CLSTN1: variants seen among roughly 807,000 people sequenced by gnomAD.
CLSTN1 encodes calsyntenin-1.
In CLSTN1, 28 loss-of-function variants were observed where a neutral mutation model predicts 108.3. The ratio of observed to expected loss-of-function variants is 0.26; its 90% confidence interval spans 0.19 to 0.35. The LOEUF (loss-of-function observed/expected upper bound fraction) is 0.35, where lower values mean the gene tolerates loss of function less well. Among genes scored for constraint, CLSTN1 ranks in the 10% least tolerant of loss-of-function variants. The pLI is 1.00. For missense variants in CLSTN1, 1,157 were observed against 1,302.6 expected (o/e 0.89, Z 1.72); for synonymous variants, 524 against 534.9 (o/e 0.98, Z 0.28).
chr1:9,760,557 G>A (rs981171515), intron 2 of CLSTN1, among the ~76,000 whole-genome samples: 1 of 152,116 alleles, frequency 6.6e-6, no homozygotes. Flanking sequence ...ACTAGGCACT[G>A]TCCCAAGGAG....
chr1:9,769,167 A>AGGAGGGAG (rs147913239), intron 2 of CLSTN1, among the ~76,000 whole-genome samples: 1 of 140,800 alleles, frequency 7.1e-6, no homozygotes, highest in South Asian at 2.4e-4. Context: ...GAGGGAAGGA[A>AGGAGGGAG]GGAGGGAGGG....
chr1:9,734,050 T>C lies in CLSTN1; in HGVS notation c.2203A>G (p.Ser735Gly). 1 of 1,614,088 alleles carries C rather than the reference T, an allele frequency of 6.2e-7. No homozygotes were observed. Among genetic ancestry groups the C allele is most frequent in the Non-Finnish European group, 8.5e-7 (1 of 1,180,022 alleles). The change falls in exon 15 of 19, where the codon AGC becomes GGC. Residue 735 changes from serine (S) to glycine (G), a missense_variant. Coordinates refer to ENST00000377298, the MANE Select transcript of CLSTN1 (RefSeq NM_001009566.3). The surrounding 1 kb of genome is among the most constrained non-coding windows in gnomAD (Gnocchi z 4.8). ...AGGCGGGCCATGTCCACCTCCAGGC[T>C]CTCCTGCTCGTGGTTCAGCTCCTCT... ...EGEELNHEQESLEVDMARLQQ... is the reference protein window; with the variant it reads ...EGEELNHEQEGLEVDMARLQQ...
chr1:9,822,784 A>T (rs1050598023), intron 1 of CLSTN1, among the ~76,000 whole-genome samples: 3 of 152,152 alleles, frequency 2.0e-5, no homozygotes, highest in African/African-American at 7.2e-5. Context: ...AAGAAATACT[A>T]CTTCCCACCG....
At chr1:9,740,438 T>G (rs1285168495) in intron 10 of CLSTN1, among the ~76,000 whole-genome samples, 2 of 152,214 alleles carry the variant, frequency 1.3e-5, no homozygotes, top group Admixed American at 1.3e-4. Flanking sequence ...TTGCTGCTTC[T>G]GTGGGCCTGA....
chr1:9,785,207 C>T (rs539382949), intron 1 of CLSTN1, among the ~76,000 whole-genome samples: 15 of 152,224 alleles, frequency 9.9e-5, no homozygotes, highest in African/African-American at 3.6e-4. Context: ...AGGGTTTCAC[C>T]ATGTTGGCCA....
chr1:9,758,100 T>C (rs1434124859), intron 2 of CLSTN1, among the ~76,000 whole-genome samples: 1 of 152,060 alleles, frequency 6.6e-6, no homozygotes, highest in Non-Finnish European at 1.5e-5. Context: ...TTCAAGCGAT[T>C]CTCCTGCCTC....
At chr1:9,813,102 T>C (rs1359157023) in intron 1 of CLSTN1, among the ~76,000 whole-genome samples, 1 of 151,882 alleles carries the variant, frequency 6.6e-6, no homozygotes, top group African/African-American at 2.4e-5. Context: ...GAAGTGGAGG[T>C]TGCAGTGAGC....
intron 1 of CLSTN1, among the ~76,000 whole-genome samples, chr1:9,793,882 T>C (rs2101236908): frequency 6.6e-6 from 1 of 151,564 alleles, no homozygotes; most frequent in Middle Eastern, 3.4e-3. Context: ...TGCCTTTCTG[T>C]CCATGCTGCT....
intron 2 of CLSTN1, among the ~76,000 whole-genome samples, chr1:9,767,103 G>A (rs1652374703): frequency 6.6e-6 from 1 of 152,220 alleles, no homozygotes; most frequent in Non-Finnish European, 1.5e-5. Flanking sequence ...TATCTATGGA[G>A]TGACTGTGTT....
At chr1:9,771,984 T>C (rs1652708163) in intron 2 of CLSTN1, among the ~76,000 whole-genome samples, 2 of 151,760 alleles carry the variant, frequency 1.3e-5, no homozygotes, top group South Asian at 4.2e-4. Flanking sequence ...AACACTTTTT[T>C]TTTTTTTTCT....
intron 17 of CLSTN1, 71 bp from the exon 18 acceptor site, chr1:9,731,461 G>T: frequency 6.7e-7 from 1 of 1,489,800 alleles, no homozygotes; most frequent in African/African-American, 1.4e-5. Context: ...TGACCTCCTC[G>T]GCTGTGCCTG....
chr1:9,803,541 G>A (rs368427725), intron 1 of CLSTN1, among the ~76,000 whole-genome samples: 10 of 152,294 alleles, frequency 6.6e-5, no homozygotes, highest in African/African-American at 1.7e-4. Flanking sequence ...AGTGGCTCAC[G>A]CCTGCAATCC....
chr1:9,812,738 C>T (rs552176248), intron 1 of CLSTN1, among the ~76,000 whole-genome samples: 73 of 151,734 alleles, frequency 4.8e-4, no homozygotes, highest in Non-Finnish European at 8.2e-4. Flanking sequence ...ATTCCAGCTA[C>T]TCAGGAGGCT....
intron 2 of CLSTN1, among the ~76,000 whole-genome samples, chr1:9,757,232 T>C (rs556020978): frequency 6.6e-6 from 1 of 151,826 alleles, no homozygotes; most frequent in Admixed American, 6.6e-5. Context: ...AAACAAAAAT[T>C]TGGAGCAAAA....
rs765639580 is a variant in CLSTN1, at chr1:9,735,139, G to A, written c.1919C>T (p.Pro640Leu). Reference protein sequence around the residue: ...FNEATCISVPPVDGYVMVLQP... With the variant: ...FNEATCISVPLVDGYVMVLQP... ...TAAAACCATCACGTAGCCATCTACC[G>A]GGGGGACCGAAATGCAGGTGGCCTC... The change falls in exon 14 of 19, where the codon CCG becomes CTG. Residue 640 changes from proline to leucine, a missense_variant. Transcript: ENST00000377298. 1.1e-5 allele frequency: 17 copies of A among 1,613,982 alleles called. No homozygotes were observed. In the South Asian group the frequency reaches 1.1e-4, roughly 10 times the overall value.
At chr1:9,774,175 A>G (rs919602808) in intron 1 of CLSTN1, among the ~76,000 whole-genome samples, 6 of 152,226 alleles carry the variant, frequency 3.9e-5, no homozygotes, top group African/African-American at 1.4e-4. Context: ...ATTACAAATA[A>G]TAATGTAAAG....
rs775193138 is a variant in CLSTN1 at position 9,731,257 on chromosome 1, G to C, written c.2697C>G (p.Asn899Lys). 1 of 1,614,098 alleles carries C rather than the reference G, an allele frequency of 6.2e-7. No individual in the cohort carries two copies. Among genetic ancestry groups the C allele is most frequent in the Admixed American group, 1.7e-5 (1 of 60,002 alleles). ...GGGCAGAGTCGTCCCAGTCCATCTC[G>C]TTCTCCTTCCCGGTGTCCTGATCCC... Reference protein sequence around the residue: ...TMRDQDTGKENEMDWDDSALT... With the variant: ...TMRDQDTGKEKEMDWDDSALT... The change falls in exon 18 of 19, where the codon AAC becomes AAG. Residue 899 changes from asparagine to lysine, a missense_variant. By Grantham distance (94) the Asn-to-Lys change is moderately conservative (BLOSUM62 0). Coordinates refer to ENST00000377298, the MANE Select transcript of CLSTN1 (RefSeq NM_001009566.3).
intron 4 of CLSTN1, among the ~76,000 whole-genome samples, chr1:9,753,637 G>T (rs906802790): frequency 6.6e-6 from 1 of 151,926 alleles, no homozygotes; most frequent in South Asian, 2.1e-4. Flanking sequence ...GACTACAGGC[G>T]CGTGCCACCA....
intron 1 of CLSTN1, among the ~76,000 whole-genome samples, chr1:9,777,738 C>G (rs977172214): frequency 6.6e-6 from 1 of 152,164 alleles, no homozygotes; most frequent in African/African-American, 2.4e-5. Context: ...TCTACCCCCG[C>G]TCCCCCTGCA....
Sources: gnomAD v4.1 joint callset for allele counts (sites outside exome capture counted in the v4.1 genomes callset) on GRCh38, gnomAD v4.1.1 for gene constraint, Gnocchi (gnomAD v3.1) non-coding constraint, MANE v1.5 for transcripts, NCBI Gene and HGNC (gene_info 2026-07-23, HGNC 2026-07-21) for gene names.